Variants in PPP1R36 observed in about 807,000 individuals in gnomAD.
PPP1R36 encodes chromosome 14 open reading frame 50.
PPP1R36 carries 47 observed loss-of-function variants against 53.4 expected under a neutral mutation model. That is an observed-to-expected ratio of 0.88 (90% CI 0.70 to 1.12). The LOEUF (loss-of-function observed/expected upper bound fraction) is 1.12, where lower values mean the gene tolerates loss of function less well. Ranked by LOEUF, PPP1R36 falls within the 50% of genes most tolerant of loss-of-function variation. The pLI is 0.00. For missense variants in PPP1R36, 456 were observed against 513.9 expected, an observed-to-expected ratio of 0.89 and a Z score of 1.09; for synonymous variants, 153 against 170.5, an observed-to-expected ratio of 0.90 and a Z score of 0.80.
At chr14:64,551,675 A>T (rs1566646583) in intron 2 of PPP1R36, 1 of 456,310 alleles carries the variant, frequency 2.2e-6, no homozygotes, top group Non-Finnish European at 4.4e-6. Flanking sequence ...ACTGAACCAA[A>T]GTCATACAGC....
chr14:64,587,861 T>C (rs2140253803), intron 10 of PPP1R36, among the ~76,000 whole-genome samples: 1 of 152,086 alleles, frequency 6.6e-6, no homozygotes, highest in African/African-American at 2.4e-5. Context: ...CAGGCTCAAG[T>C]GATCCTCCTG....
At chr14:64,567,775 C>G (rs1399603348) in intron 6 of PPP1R36, among the ~76,000 whole-genome samples, 1 of 152,150 alleles carries the variant, frequency 6.6e-6, no homozygotes, top group African/African-American at 2.4e-5. Context: ...GATTCTCCTG[C>G]CTCAGCCTCC....
intron 8 of PPP1R36, among the ~76,000 whole-genome samples, chr14:64,583,901 T>C (rs1431180248): frequency 1.4e-5 from 1 of 72,608 alleles, no homozygotes; most frequent in Non-Finnish European, 3.2e-5. Flanking sequence ...TTACCTCCTC[T>C]TTTTTTTTTT....
intron 3 of PPP1R36, among the ~76,000 whole-genome samples, chr14:64,560,270 A>G (rs2080196108): frequency 6.6e-6 from 1 of 151,666 alleles, no homozygotes; most frequent in South Asian, 2.1e-4. Flanking sequence ...GCAAAACCCT[A>G]TCTCTACCAA....
chr14:64,554,726 C>A (rs990036057), intron 3 of PPP1R36, among the ~76,000 whole-genome samples: 1 of 152,100 alleles, frequency 6.6e-6, no homozygotes, highest in Admixed American at 6.5e-5. Flanking sequence ...GAGATTAGAA[C>A]TAGCCAGACA....
intron 8 of PPP1R36, among the ~76,000 whole-genome samples, chr14:64,582,901 A>AT (rs903029299): frequency 4.0e-5 from 6 of 148,406 alleles, no homozygotes; most frequent in Non-Finnish European, 4.5e-5. Context: ...TTTATTTTTT[A>AT]TTTTTTTTGA....
Position 64,584,624 on chromosome 14 carries a change from A to T in PPP1R36, c.669-2213A>T, listed in dbSNP as rs139555204. ...CAAACTATTTTAAAGAAAAAAGCTT[A>T]TTCTCCTCACAGTCCAGTTATGAGG... On this transcript the variant is annotated intron_variant, in intron 8 of 11. Coordinates refer to ENST00000298705, the MANE Select transcript of PPP1R36 (RefSeq NM_172365.3). 3.3e-3 allele frequency among the ~76,000 whole-genome samples: 509 copies of T among 152,314 alleles called. 5 individuals carry two copies. The highest frequency in any genetic ancestry group is 0.012 in the African/African-American group (485 of 41,572).
intron 3 of PPP1R36, among the ~76,000 whole-genome samples, chr14:64,554,953 G>GC (rs2080136041): frequency 6.6e-6 from 1 of 152,062 alleles, no homozygotes; most frequent in Admixed American, 6.5e-5. Flanking sequence ...TAGGAGAAAG[G>GC]CAAGTGCAAA....
intron 6 of PPP1R36, among the ~76,000 whole-genome samples, chr14:64,568,089 T>C (rs2080274729): frequency 6.6e-6 from 1 of 152,206 alleles, no homozygotes; most frequent in African/African-American, 2.4e-5. Flanking sequence ...TTTTTAAAAA[T>C]TAAAATTAAT....
intron 10 of PPP1R36, among the ~76,000 whole-genome samples, 184 bp downstream of exon 10, chr14:64,587,556 G>A (rs10145844): frequency 0.17 from 23,964 of 138,872 alleles, 2,211 homozygotes; most frequent in East Asian, 0.25. Context: ...CGACTCCTGG[G>A]TTCAAGCAAT....
chr14:64,554,052 T>C (rs943570414), intron 3 of PPP1R36, among the ~76,000 whole-genome samples: 1 of 151,778 alleles, frequency 6.6e-6, no homozygotes, highest in African/African-American at 2.4e-5. Flanking sequence ...GGCAGACCCT[T>C]GTATATTTTA....
chr14:64,558,836 A>G (rs983524281), intron 3 of PPP1R36, among the ~76,000 whole-genome samples: 2 of 151,732 alleles, frequency 1.3e-5, no homozygotes, highest in Non-Finnish European at 2.9e-5. Flanking sequence ...GGTTTTCACA[A>G]TGTTGGCTAG....
At chr14:64,567,592 G>T (rs2080270400) in intron 6 of PPP1R36, among the ~76,000 whole-genome samples, 1 of 152,194 alleles carries the variant, frequency 6.6e-6, no homozygotes, top group South Asian at 2.1e-4. Flanking sequence ...ATGTGTATAT[G>T]TTGGTGGAGG....
At chr14:64,560,557 A>G (rs1162186105) in intron 3 of PPP1R36, among the ~76,000 whole-genome samples, 3 of 152,160 alleles carry the variant, frequency 2.0e-5, no homozygotes, top group African/African-American at 7.2e-5. Flanking sequence ...CAGTTGACAG[A>G]TGGCTAAAAT....
intron 3 of PPP1R36, among the ~76,000 whole-genome samples, chr14:64,555,820 G>C (rs1159682172): frequency 1.3e-5 from 2 of 150,728 alleles, no homozygotes; most frequent in Admixed American, 6.6e-5. Flanking sequence ...TACATGTATA[G>C]CTTTCCAAAT....
intron 3 of PPP1R36, among the ~76,000 whole-genome samples, chr14:64,561,524 TC>T (rs1157039061): frequency 6.6e-6 from 1 of 152,224 alleles, no homozygotes; most frequent in Non-Finnish European, 1.5e-5. Flanking sequence ...TGGGTTCACA[TC>T]CTAGCTCTGC....
intron 8 of PPP1R36, among the ~76,000 whole-genome samples, chr14:64,582,761 T>G (rs961500466): frequency 1.3e-5 from 2 of 152,186 alleles, no homozygotes; most frequent in African/African-American, 2.4e-5. Context: ...ACTAGAAAAT[T>G]TAAAATTAAT....
At chr14:64,576,674 C>T (rs188145160) in intron 8 of PPP1R36, among the ~76,000 whole-genome samples, 127 of 152,250 alleles carry the variant, frequency 8.3e-4, no homozygotes, top group African/African-American at 3.0e-3. Flanking sequence ...TGGATGTCCT[C>T]GATCCACTTC....
chr14:64,551,066 G>A, intron 2 of PPP1R36, 81 bp downstream of exon 2: 1 of 892,286 alleles, frequency 1.1e-6, no homozygotes, highest in South Asian at 1.6e-5. Flanking sequence ...GAAGAGTATA[G>A]AGAATAAATA....
Sources: allele counts gnomAD v4.1 joint callset (sites outside exome capture counted in the v4.1 genomes callset), GRCh38; gene constraint gnomAD v4.1.1; transcripts MANE v1.5; gene names NCBI Gene and HGNC (gene_info 2026-07-23, HGNC 2026-07-21).